The following PDE4D variants were observed in gnomAD, a reference collection of about 807,000 sequenced individuals.
The protein encoded by PDE4D is 3',5'-cyclic-AMP phosphodiesterase 4D.
Under a neutral mutation model 87.4 loss-of-function variants are expected in PDE4D, and 24 were observed. The ratio of observed to expected loss-of-function variants is 0.27; its 90% CI spans 0.20 to 0.39. The LOEUF (loss-of-function observed/expected upper bound fraction) is 0.39, where lower values mean the gene tolerates loss of function less well. Among genes scored for constraint, PDE4D ranks in the 10% least tolerant of loss-of-function variants. PDE4D has a pLI of 1.00. For synonymous variants in PDE4D, 384 were observed against 383.2 expected, an observed-to-expected ratio of 1.00 and a Z score of -0.02; for missense variants, 714 against 1,041.0, an observed-to-expected ratio of 0.69 and a Z score of 4.32.
At chr5:59,543,735 G>A (rs1033253064) in intron 1 of PDE4D, among the ~76,000 whole-genome samples, 10 of 151,984 alleles carry the variant, frequency 6.6e-5, no homozygotes, top group Non-Finnish European at 1.0e-4. Flanking sequence ...ACCCCTACAC[G>A]CCAGAACTTT....
intron 1 of PDE4D, among the ~76,000 whole-genome samples, chr5:59,394,500 CATT>C: frequency 6.6e-6 from 1 of 152,106 alleles, no homozygotes; most frequent in East Asian, 1.9e-4. Context: ...CATGCAATGA[CATT>C]AGTATCAATT....
rs114102996 is a variant in PDE4D, at chr5:59,570,984, A to G, written c.455+322184T>C. Among the ~76,000 whole-genome samples, 951 of 152,348 alleles carry G rather than the reference A, an allele frequency of 6.2e-3. 12 individuals carry two copies. Among genetic ancestry groups the G allele is most frequent in the East Asian group, 0.043 (224 of 5,194 alleles). On this transcript the variant is annotated intron_variant, in intron 1 of 14. Coordinates refer to ENST00000340635, the MANE Select transcript of PDE4D (RefSeq NM_001104631.2). ...AAGAGAAAAAAATGCTGTGTATTTT[A>G]CATACTAATTCATACACATGCCCAA...
chr5:60,212,756 C>CT (rs1743397989), intron 1 of PDE4D, among the ~76,000 whole-genome samples: 1 of 152,162 alleles, frequency 6.6e-6, no homozygotes, highest in South Asian at 2.1e-4. Context: ...GCATAAATGA[C>CT]TTTAAGTTGA....
In PDE4D at chr5:59,988,626, T is replaced by C. The variant is rs369561747; in HGVS notation, c.134A>G (p.Asn45Ser). The C allele has an allele frequency of 1.3e-5, 21 of 1,599,220 alleles. No homozygotes were observed. Among genetic ancestry groups the C allele is most frequent in the African/African-American group, 9.3e-5 (7 of 74,904 alleles). The change falls in exon 3 of 17, where the codon AAT becomes AGT. Residue 45 changes from asparagine (N) to serine (S), a missense_variant. Transcript: ENST00000502484. The stretch of plus-strand genomic sequence containing the variant: ...GAAGGCGAGAGGGGGAAGCTGAATA[T>C]TGCGACATGAAAGTCTCCGGACAAG...
At chr5:59,317,653 G>T (rs908621688) in intron 1 of PDE4D, among the ~76,000 whole-genome samples, 3 of 152,120 alleles carry the variant, frequency 2.0e-5, no homozygotes, top group Admixed American at 6.6e-5. Context: ...AACCTGACTT[G>T]CCAGGCACAC....
intron 1 of PDE4D, among the ~76,000 whole-genome samples, chr5:59,618,007 T>C (rs298017): frequency 0.86 from 131,479 of 152,070 alleles, 56,893 homozygotes; most frequent in South Asian, 0.93. Context: ...CATTATTTTC[T>C]GATTTTTTTT....
chr5:60,007,284 T>C (rs188395068), intron 2 of PDE4D, among the ~76,000 whole-genome samples: 1 of 152,174 alleles, frequency 6.6e-6, no homozygotes, highest in East Asian at 1.9e-4. Flanking sequence ...TAACAAATCA[T>C]GCCAAACCTC....
chr5:60,396,212 T>C (rs930343805), intron 1 of PDE4D, among the ~76,000 whole-genome samples: 1 of 152,216 alleles, frequency 6.6e-6, no homozygotes, highest in Non-Finnish European at 1.5e-5. Flanking sequence ...AGCAGATATG[T>C]TAAAATAGAT....
chr5:60,302,821 TTTTTG>T (rs144243148), intron 1 of PDE4D, among the ~76,000 whole-genome samples: 10,190 of 151,898 alleles, frequency 0.067, 835 homozygotes, highest in African/African-American at 0.2. Context: ...AAATTTTGGT[TTTTTG>T]TTTTGTTTTG....
intron 1 of PDE4D, among the ~76,000 whole-genome samples, chr5:59,431,055 C>T (rs958729229): frequency 2.6e-5 from 4 of 151,942 alleles, no homozygotes; most frequent in East Asian, 1.9e-4. Flanking sequence ...AACATAAAAA[C>T]GGTAAGCAAT....
intron 5 of PDE4D, among the ~76,000 whole-genome samples, chr5:59,090,624 T>G (rs1022947046): frequency 6.6e-6 from 1 of 151,942 alleles, no homozygotes; most frequent in African/African-American, 2.4e-5. Flanking sequence ...TCAGAGACAG[T>G]CCTGTATTAT....
intron 1 of PDE4D, among the ~76,000 whole-genome samples, chr5:60,318,244 T>C (rs1456655843): frequency 1.3e-5 from 2 of 152,252 alleles, no homozygotes; most frequent in African/African-American, 4.8e-5. Flanking sequence ...TGTAATGGGC[T>C]TCTTTGTCTC....
At chr5:60,320,152 T>G (rs925948874) in intron 1 of PDE4D, among the ~76,000 whole-genome samples, 1 of 152,218 alleles carries the variant, frequency 6.6e-6, no homozygotes, top group African/African-American at 2.4e-5. Flanking sequence ...TCCCAGCCGC[T>G]TTGTTTACCT....
chr5:59,880,565 T>C (rs996999979), intron 1 of PDE4D, among the ~76,000 whole-genome samples: 1 of 152,230 alleles, frequency 6.6e-6, no homozygotes, highest in African/African-American at 2.4e-5. Flanking sequence ...GTTACTTCAG[T>C]GGCCCATCTT....
chr5:59,945,392 C>A (rs1313832608), intron 3 of PDE4D, among the ~76,000 whole-genome samples: 2 of 152,144 alleles, frequency 1.3e-5, no homozygotes, highest in Non-Finnish European at 2.9e-5. Context: ...TTGGATCCAG[C>A]CCAGCCTTTT....
intron 2 of PDE4D, among the ~76,000 whole-genome samples, chr5:59,202,746 T>C (rs1017913437): frequency 6.6e-6 from 1 of 152,104 alleles, no homozygotes; most frequent in Non-Finnish European, 1.5e-5. Flanking sequence ...TCTTTGCCTG[T>C]TGCCATCCAC....
intron 1 of PDE4D, among the ~76,000 whole-genome samples, chr5:59,817,955 T>C (rs1020556481): frequency 2.0e-5 from 3 of 152,188 alleles, no homozygotes; most frequent in Non-Finnish European, 4.4e-5. Flanking sequence ...CACTGTCAGG[T>C]AGCCCTAAGT....
rs1001114384 is a variant in PDE4D, at chr5:58,971,220, C to T, written c.*3444G>A. The T allele has an allele frequency of 1.3e-5, 2 of 152,246 alleles. No individual in the cohort carries two copies. The highest frequency in any genetic ancestry group is 4.8e-5 in the African/African-American group (2 of 41,436). 9.4% of individuals were successfully genotyped at this position (152,246 alleles called of 1,614,324 possible). On this transcript the variant is annotated 3_prime_UTR_variant, in exon 15 of 15. Coordinates refer to ENST00000340635, the MANE Select transcript of PDE4D (RefSeq NM_001104631.2). ...AAGGCACAGCCCTGGGACCAAAGACCTGCAGCTATGTTTTTTTAAATTTAT... is the reference window on the plus strand; with the variant it reads ...AAGGCACAGCCCTGGGACCAAAGACTTGCAGCTATGTTTTTTTAAATTTAT...
At chr5:60,230,083 G>C (rs2149622333) in intron 1 of PDE4D, among the ~76,000 whole-genome samples, 1 of 152,200 alleles carries the variant, frequency 6.6e-6, no homozygotes, top group Non-Finnish European at 1.5e-5. Flanking sequence ...AGGGCAACAA[G>C]CATCTGGGAG....
Sources: gnomAD v4.1 joint callset for allele counts (sites outside exome capture counted in the v4.1 genomes callset) on GRCh38, gnomAD v4.1.1 for gene constraint, MANE v1.5 for transcripts, NCBI Gene and HGNC (gene_info 2026-07-23, HGNC 2026-07-21) for gene names.